COL6A6: variants seen among roughly 807,000 people sequenced by gnomAD.
The protein encoded by COL6A6 is collagen alpha-6(VI) chain.
Under a neutral mutation model 208.6 loss-of-function variants are expected in COL6A6, and 183 were observed. That is an observed-to-expected ratio of 0.88 (90% CI 0.78 to 0.99). The LOEUF (loss-of-function observed/expected upper bound fraction) is 0.99, where lower values mean the gene tolerates loss of function less well. COL6A6 is among the 50% of genes least tolerant of loss of function. The probability of loss-of-function intolerance (pLI) is 0.00; values close to 1 mark genes in which losing one functional copy is unlikely to be tolerated. For missense variants in COL6A6, 2,816 were observed against 2,815.2 expected (o/e 1.00, Z -0.01); for synonymous variants, 973 against 1,011.8 (o/e 0.96, Z 0.73).
chr3:130,651,536 G>A (rs2065646095), intron 33 of COL6A6, among the ~76,000 whole-genome samples: 2 of 152,000 alleles, frequency 1.3e-5, no homozygotes, highest in Non-Finnish European at 2.9e-5. Context: ...TTGTAAAGGA[G>A]CTGAAACTGC....
At chr3:130,533,013 A>G (rs939488004) in intron 1 of COL6A6, among the ~76,000 whole-genome samples, 3 of 152,170 alleles carry the variant, frequency 2.0e-5, no homozygotes, top group South Asian at 2.1e-4. Flanking sequence ...AGGAGCCTAC[A>G]TGCCAGCTCC....
chr3:130,635,714 C>T lies in COL6A6; in HGVS notation c.5044C>T (p.Pro1682Ser), dbSNP rs1266384794. Residue 1682 changes from proline (P) to serine (S), a missense_variant, in exon 28 of 37, where the codon CCT (proline) becomes TCT (serine). Pro to Ser is a moderately conservative substitution (Grantham distance 74). Coordinates refer to ENST00000358511, the MANE Select transcript of COL6A6 (RefSeq NM_001102608.3). ...ESGPKGEIGDPGGPGETGLKG... is the reference protein window; with the variant it reads ...ESGPKGEIGDSGGPGETGLKG... ...ATGTATTTAGGGTGAGATTGGGGAC[C>T]CTGGTGGTCCAGGAGAGACTGGGCT... The T allele has an allele frequency of 1.2e-6, 2 of 1,610,460 alleles. No homozygotes were observed. The highest frequency in any genetic ancestry group is 1.7e-6 in the Non-Finnish European group (2 of 1,177,224).
In COL6A6 at chr3:130,564,996, TG is replaced by T; in HGVS notation, c.665del (p.Cys222SerfsTer40). On this transcript the variant is annotated frameshift_variant, in exon 4 of 37. Coordinates refer to ENST00000358511, the MANE Select transcript of COL6A6 (RefSeq NM_001102608.3). LOFTEE classifies it high-confidence loss of function. ...CTTGTTTATTTCTTGCCACACAGCT[TG>T]CCAAGGCCCTTCTATGGCCGATGTT... Reference protein sequence around the residue: ...GAVDDIFVEACQGPSMADVVF... With the variant: ...GAVDDIFVEAXQGPSMADVVF... 1 of 1,611,794 alleles carries T rather than the reference TG, an allele frequency of 6.2e-7. No homozygotes were observed. The highest frequency in any genetic ancestry group is 8.5e-7 in the Non-Finnish European group (1 of 1,178,444).
chr3:130,582,208 C>T, intron 10 of COL6A6, 140 bp downstream of exon 10: 1 of 609,152 alleles, frequency 1.6e-6, no homozygotes, highest in Admixed American at 3.0e-5. Flanking sequence ...ATGTACTAGG[C>T]AGAACAAATG....
chr3:130,622,192 T>TC (rs2064741433), intron 24 of COL6A6, among the ~76,000 whole-genome samples: 1 of 127,614 alleles, frequency 7.8e-6, no homozygotes, highest in African/African-American at 3.0e-5. Context: ...CTTAATTTCC[T>TC]CCCCCCGCCT....
At chr3:130,587,810 A>G (rs1488099493) in intron 11 of COL6A6, among the ~76,000 whole-genome samples, 1 of 152,224 alleles carries the variant, frequency 6.6e-6, no homozygotes, top group Non-Finnish European at 1.5e-5. Flanking sequence ...CATATAGAAT[A>G]TGAAAGTTTT....
In COL6A6 at chr3:130,635,746, A is replaced by G; in HGVS notation, c.5076A>G (p.Gly1692=). 1.2e-6 allele frequency: 2 copies of G among 1,612,218 alleles called. No homozygotes were observed. Among genetic ancestry groups the G allele is most frequent in the Non-Finnish European group, 1.7e-6 (2 of 1,178,458 alleles). The change falls in exon 28 of 37, where the codon GGA becomes GGG. Residue 1692 remains glycine, a synonymous_variant. Transcript: ENST00000358511. ...GTCCAGGAGAGACTGGGCTGAAGGGAGCTAGAGGCAAAATGGTAAGCTTCT... is the reference window on the plus strand; with the variant it reads ...GTCCAGGAGAGACTGGGCTGAAGGGGGCTAGAGGCAAAATGGTAAGCTTCT... ...PGGPGETGLK[G]ARGKMISAGL...
At chr3:130,658,559 C>A (rs748854996) in intron 33 of COL6A6, 117 bp from the exon 34 acceptor site, 1 of 683,748 alleles carries the variant, frequency 1.5e-6, no homozygotes, top group Non-Finnish European at 2.6e-6. Flanking sequence ...GTGCCTCCCC[C>A]GTACCTTCTT....
chr3:130,613,964 G>A (rs2108230853), intron 23 of COL6A6, among the ~76,000 whole-genome samples: 1 of 152,264 alleles, frequency 6.6e-6, no homozygotes, highest in Middle Eastern at 3.4e-3. Flanking sequence ...TTTGCAAACA[G>A]GGATAGTTTG....
chr3:130,592,191 G>A (rs372331610), intron 13 of COL6A6, among the ~76,000 whole-genome samples: 978 of 5,632 alleles, frequency 0.17, 13 homozygotes, highest in African/African-American at 0.44. Flanking sequence ...TGATGATAAG[G>A]TGAAGGTTTA....
intron 1 of COL6A6, among the ~76,000 whole-genome samples, chr3:130,546,254 T>C (rs528126801): frequency 6.6e-6 from 1 of 152,132 alleles, no homozygotes; most frequent in Non-Finnish European, 1.5e-5. Context: ...GGGTTTGTGG[T>C]CTCGCTGGCT....
intron 1 of COL6A6, among the ~76,000 whole-genome samples, chr3:130,539,515 T>C (rs532504111): frequency 3.3e-5 from 5 of 151,690 alleles, no homozygotes; most frequent in African/African-American, 1.2e-4. Flanking sequence ...GCGCCTATAG[T>C]CCCAGCTACT....
At chr3:130,529,245 G>GA (rs1461037482) in intron 1 of COL6A6, among the ~76,000 whole-genome samples, 2 of 144,056 alleles carry the variant, frequency 1.4e-5, no homozygotes, top group East Asian at 4.1e-4. Context: ...ATGAAGGGGG[G>GA]AAAAACACAG....
chr3:130,636,044 CA>C (rs900350019), intron 28 of COL6A6, among the ~76,000 whole-genome samples: 3 of 152,186 alleles, frequency 2.0e-5, no homozygotes, highest in African/African-American at 4.8e-5. Flanking sequence ...CCTTGTGATT[CA>C]AAACAGCTTT....
At chr3:130,555,937 A>G (rs1306513705) in intron 1 of COL6A6, among the ~76,000 whole-genome samples, 2 of 152,168 alleles carry the variant, frequency 1.3e-5, no homozygotes, top group Non-Finnish European at 2.9e-5. Flanking sequence ...TTAAGTGGAT[A>G]TACTGTGTAG....
chr3:130,557,539 C>G (rs550212431), intron 1 of COL6A6, among the ~76,000 whole-genome samples: 2 of 152,300 alleles, frequency 1.3e-5, no homozygotes, highest in African/African-American at 4.8e-5. Flanking sequence ...ATCTTTAACA[C>G]TGTGGCAGAG....
chr3:130,625,238 G>C (rs1279320580), intron 24 of COL6A6, among the ~76,000 whole-genome samples: 1 of 152,090 alleles, frequency 6.6e-6, no homozygotes, highest in East Asian at 1.9e-4. Context: ...CCTATTCTTC[G>C]TTACCCCAGA....
chr3:130,661,873 A>G lies in COL6A6; in HGVS notation c.6067A>G (p.Asn2023Asp). Residue 2023 changes from asparagine to aspartate, a missense_variant, in exon 35 of 37, where the codon AAC becomes GAC. Transcript: ENST00000358511. ...CCATGCTCCCCCCGACTTCCTACCCAACACTCAGAAGAGTCCAGTTAGAGC... is the reference window on the plus strand; with the variant it reads ...CCATGCTCCCCCCGACTTCCTACCCGACACTCAGAAGAGTCCAGTTAGAGC... ...LSHAPPDFLP[N>D]TQKSPVRAEF... 1 of 1,613,922 alleles carries G rather than the reference A, an allele frequency of 6.2e-7. No homozygotes were observed. The highest frequency in any genetic ancestry group is 8.5e-7 in the Non-Finnish European group (1 of 1,179,854).
intron 20 of COL6A6, among the ~76,000 whole-genome samples, chr3:130,601,565 G>C (rs993880006): frequency 7.9e-5 from 12 of 152,212 alleles, no homozygotes; most frequent in Non-Finnish European, 7.3e-5. Flanking sequence ...ATCCTGGCAT[G>C]TAAGGATGTA....
Sources: allele counts gnomAD v4.1 joint callset (sites outside exome capture counted in the v4.1 genomes callset), GRCh38; gene constraint gnomAD v4.1.1; transcripts MANE v1.5; gene names NCBI Gene and HGNC (gene_info 2026-07-23, HGNC 2026-07-21).